GSE1: variants seen among roughly 807,000 people sequenced by gnomAD.
The protein encoded by GSE1 is genetic suppressor element 1.
GSE1 carries 32 observed loss-of-function variants against 112.6 expected under a neutral mutation model. The ratio of observed to expected loss-of-function variants is 0.28; its 90% CI spans 0.21 to 0.38. The LOEUF is 0.38. Ranked by LOEUF, GSE1 falls within the 10% of genes least tolerant of loss-of-function variation. The pLI, the probability that GSE1 is intolerant of heterozygous loss-of-function variation, is 1.00. For missense variants in GSE1, 2,348 were observed against 1,699.2 expected (o/e 1.38, Z -6.71); for synonymous variants, 1,115 against 735.6 (o/e 1.52, Z -8.35).
intron 1 of GSE1, among the ~76,000 whole-genome samples, chr16:85,262,426 C>G (rs183685767): frequency 1.3e-5 from 2 of 152,318 alleles, no homozygotes; most frequent in East Asian, 3.9e-4. Flanking sequence ...TGTCTTTGCA[C>G]CGGGGGGCCT....
intron 1 of GSE1, among the ~76,000 whole-genome samples, chr16:85,305,424 GC>G (rs1345328406): frequency 6.6e-6 from 1 of 151,664 alleles, no homozygotes; most frequent in Non-Finnish European, 1.5e-5. Context: ...TGCTTGGATT[GC>G]AGGCATGAGC....
At chr16:85,518,089 C>T (rs2052013798) in intron 2 of GSE1, among the ~76,000 whole-genome samples, 1 of 152,220 alleles carries the variant, frequency 6.6e-6, no homozygotes, top group South Asian at 2.1e-4. Flanking sequence ...TGGAACTGGG[C>T]ACAGCCGGCC....
chr16:85,508,550 G>C (rs1476567754), intron 2 of GSE1, among the ~76,000 whole-genome samples: 1 of 152,170 alleles, frequency 6.6e-6, no homozygotes, highest in Non-Finnish European at 1.5e-5. Flanking sequence ...GCTTCAGCCT[G>C]GGCCTCCAGC....
At chr16:85,644,061 C>A (rs2050659673) in intron 2 of GSE1, among the ~76,000 whole-genome samples, 2 of 152,202 alleles carry the variant, frequency 1.3e-5, no homozygotes, top group South Asian at 4.2e-4. Flanking sequence ...GGCACCGTTA[C>A]TCATGCCTGT....
chr16:85,301,189 C>T (rs1396949412), intron 1 of GSE1, among the ~76,000 whole-genome samples: 3 of 152,232 alleles, frequency 2.0e-5, no homozygotes, highest in African/African-American at 7.2e-5. Flanking sequence ...CCACTGCAGG[C>T]ATGTTTATGG....
chr16:85,585,199 A>C (rs919534839), intron 1 of GSE1, among the ~76,000 whole-genome samples: 3 of 152,336 alleles, frequency 2.0e-5, no homozygotes, highest in South Asian at 4.1e-4. Context: ...GCTGGCCTGC[A>C]GGAACCCCTG....
At chr16:85,527,922 T>C (rs1453653319) in intron 2 of GSE1, among the ~76,000 whole-genome samples, 1 of 151,912 alleles carries the variant, frequency 6.6e-6, no homozygotes, top group Admixed American at 6.5e-5. Context: ...GCCTGGTAGG[T>C]GGGGAGGAGA....
chr16:85,222,916 A>G (rs2075418884), intron 1 of GSE1, among the ~76,000 whole-genome samples: 1 of 152,220 alleles, frequency 6.6e-6, no homozygotes, highest in African/African-American at 2.4e-5. Flanking sequence ...CATGCAAAAG[A>G]GGAACATAAA....
At chr16:85,378,069 G>A (rs2047461466) in intron 2 of GSE1, among the ~76,000 whole-genome samples, 1 of 152,202 alleles carries the variant, frequency 6.6e-6, no homozygotes, top group Admixed American at 6.5e-5. Context: ...CACGTCTCTT[G>A]GAGACAGACC....
chr16:85,656,892 G>A lies in GSE1; in HGVS notation c.1312+227G>A, dbSNP rs536889255. 1.7e-4 allele frequency among the ~76,000 whole-genome samples: 26 copies of A among 152,364 alleles called. No individual in the cohort carries two copies. The East Asian group carries it at 3.5e-3, about 20-fold the overall frequency. ...AGGAGGACAGTTGTGAAATGTAGCCGGGGCATTAGGAAGGGATGTTTTGAG... is the reference window on the plus strand; with the variant it reads ...AGGAGGACAGTTGTGAAATGTAGCCAGGGCATTAGGAAGGGATGTTTTGAG... On this transcript the variant is annotated intron_variant, in intron 7 of 15. Transcript: ENST00000253458.
intron 1 of GSE1, among the ~76,000 whole-genome samples, chr16:85,177,907 T>A (rs893164184): frequency 2.0e-5 from 3 of 152,150 alleles, no homozygotes; most frequent in Admixed American, 2.0e-4. Flanking sequence ...CCCGTCCCTG[T>A]GTGAGCCTCT....
At chr16:85,222,139 C>T (rs11149723) in intron 1 of GSE1, among the ~76,000 whole-genome samples, 48,051 of 152,032 alleles carry the variant, frequency 0.32, 7,796 homozygotes, top group East Asian at 0.46. Flanking sequence ...GATGCTGGCA[C>T]CCACTGCCCC....
intron 2 of GSE1, among the ~76,000 whole-genome samples, chr16:85,491,633 C>T (rs140132511): frequency 9.5e-4 from 144 of 152,104 alleles, no homozygotes; most frequent in African/African-American, 3.2e-3. Context: ...GGTCATGGCC[C>T]GCCTGAGGAG....
chr16:85,350,745 G>A (rs57428304), intron 1 of GSE1, among the ~76,000 whole-genome samples: 1,939 of 152,194 alleles, frequency 0.013, 45 homozygotes, highest in African/African-American at 0.043. Context: ...AATTTCCTCC[G>A]TCATTCCTCT....
chr16:85,491,616 C>G (rs946619178), intron 2 of GSE1, among the ~76,000 whole-genome samples: 1 of 152,056 alleles, frequency 6.6e-6, no homozygotes, highest in Admixed American at 6.6e-5. Context: ...AGCTTGGGCT[C>G]AGGCGGGGTC....
intron 1 of GSE1, among the ~76,000 whole-genome samples, chr16:85,206,349 G>C (rs925923149): frequency 3.9e-5 from 6 of 152,226 alleles, no homozygotes; most frequent in African/African-American, 1.4e-4. Flanking sequence ...AGCTGGGGAT[G>C]GCCGGGCCAC....
chr16:85,430,586 G>T (rs9940484), intron 2 of GSE1, among the ~76,000 whole-genome samples: 1 of 152,156 alleles, frequency 6.6e-6, no homozygotes, highest in Non-Finnish European at 1.5e-5. Context: ...ACACAGCGGC[G>T]TTCAGCCCTC....
intron 2 of GSE1, among the ~76,000 whole-genome samples, chr16:85,502,857 G>T (rs150298653): frequency 8.5e-4 from 129 of 152,354 alleles, no homozygotes; most frequent in African/African-American, 2.9e-3. Context: ...CTGGGGACCA[G>T]GAGCAAGCAG....
intron 1 of GSE1, among the ~76,000 whole-genome samples, chr16:85,273,590 T>A (rs1181842404): frequency 6.6e-6 from 1 of 152,162 alleles, no homozygotes; most frequent in Non-Finnish European, 1.5e-5. Flanking sequence ...TCGTATGGGA[T>A]GCCCAGAACA....
Sources: allele counts gnomAD v4.1 joint callset (sites outside exome capture counted in the v4.1 genomes callset), GRCh38; gene constraint gnomAD v4.1.1; transcripts MANE v1.5; gene names NCBI Gene and HGNC (gene_info 2026-07-23, HGNC 2026-07-21).